The following PMS1 variants were observed in gnomAD, a reference collection of about 807,000 sequenced individuals.
The protein encoded by PMS1 is PMS1 protein homolog 1.
Under a neutral mutation model 93.1 loss-of-function variants are expected in PMS1, and 79 were observed. The observed-to-expected ratio is 0.85, with a 90% CI of 0.71 to 1.02. The LOEUF (loss-of-function observed/expected upper bound fraction) is 1.02. Among genes scored for constraint, PMS1 ranks in the 50% least tolerant of loss-of-function variants. The probability of loss-of-function intolerance (pLI) is 0.00; values close to 1 mark genes in which losing one functional copy is unlikely to be tolerated. For synonymous variants in PMS1, 335 were observed against 363.4 expected (o/e 0.92, Z 0.89); for missense variants, 1,064 against 1,085.3 (o/e 0.98, Z 0.28).
intron 10 of PMS1, among the ~76,000 whole-genome samples, chr2:189,864,753 G>T (rs1247378014): frequency 1.0e-5 from 1 of 99,636 alleles, no homozygotes; most frequent in Admixed American, 1.4e-4. Context: ...AATCTTTAAT[G>T]GAATTGTTTA....
In PMS1 at chr2:189,805,813, TA is replaced by T. The variant is rs3214425; in HGVS notation, c.418+70del. 5.8e-3 allele frequency: 7,115 copies of T among 1,231,756 alleles called. No homozygotes were observed. The highest frequency in any genetic ancestry group is 0.017 in the South Asian group (1,009 of 59,382). The allele number at this position is 1,231,756 out of a possible 1,614,324, so 76.3% of individuals were successfully genotyped here. A position where few individuals can be genotyped will look rare whatever the true frequency, so the allele number is the denominator to read the frequency against. Reference sequence around the variant, plus strand: ...ACCTTTTCTGTCTTAATTGTTGGTTTAAAAAAAAAAAGTTACTCGGTGAATA... The same window carrying T: ...ACCTTTTCTGTCTTAATTGTTGGTTTAAAAAAAAAAGTTACTCGGTGAATA... On this transcript the variant is annotated intron_variant, in intron 4 of 12. Coordinates refer to ENST00000441310, the MANE Select transcript of PMS1 (RefSeq NM_000534.5).
chr2:189,862,452 C>T (rs1280692791), intron 9 of PMS1, among the ~76,000 whole-genome samples: 4 of 152,130 alleles, frequency 2.6e-5, no homozygotes, highest in Non-Finnish European at 5.9e-5. Flanking sequence ...ATCTTGACAT[C>T]TGGGTCATCT....
chr2:189,829,651 G>GAA (rs1339378463), intron 5 of PMS1, among the ~76,000 whole-genome samples: 1 of 152,184 alleles, frequency 6.6e-6, no homozygotes, highest in Non-Finnish European at 1.5e-5. Context: ...CACCCATGCT[G>GAA]AATAGTGCCT....
At chr2:189,844,659 A>C (rs912608686) in intron 6 of PMS1, among the ~76,000 whole-genome samples, 15 of 151,238 alleles carry the variant, frequency 9.9e-5, no homozygotes, top group South Asian at 4.2e-4. Flanking sequence ...AAAAAAAAAA[A>C]AAAACTGTTT....
At position 189,875,955 on chromosome 2, in the gene PMS1, C is replaced by CAAAAA. The variant is rs561168809; in HGVS notation, c.2635-1296_2635-1292dup. Among the ~76,000 whole-genome samples, 185 of 46,146 alleles carry CAAAAA rather than the reference C, an allele frequency of 4.0e-3. 9 individuals carry two copies. The highest frequency in any genetic ancestry group is 0.013 in the Middle Eastern group (1 of 76). 30.3% of individuals were successfully genotyped at this position (46,146 alleles called of 152,430 possible). A position where few individuals can be genotyped will look rare whatever the true frequency, so the allele number is the denominator to read the frequency against. ...TGGGCGATAGAGCTAGACTCTGTCT[C>CAAAAA]AAAAAAAAAAAAAAAAAAAAAAAAA... is the stretch of plus-strand genomic sequence containing the variant. On this transcript the variant is annotated intron_variant, in intron 12 of 12. Transcript: ENST00000441310.
intron 5 of PMS1, among the ~76,000 whole-genome samples, chr2:189,830,898 T>C (rs2052875070): frequency 6.6e-6 from 1 of 152,168 alleles, no homozygotes. Context: ...CACTTCCCAC[T>C]TCTATTGGTT....
chr2:189,871,726 ACTC>A (rs1321550271), intron 11 of PMS1, among the ~76,000 whole-genome samples: 5 of 151,856 alleles, frequency 3.3e-5, no homozygotes, highest in Non-Finnish European at 5.9e-5. Flanking sequence ...GCAGTGCCCC[ACTC>A]CTCAGTACTA....
intron 1 of PMS1, among the ~76,000 whole-genome samples, chr2:189,787,217 G>A (rs1457142887): frequency 6.6e-6 from 1 of 152,172 alleles, no homozygotes; most frequent in Non-Finnish European, 1.5e-5. Context: ...GGAGGATGGT[G>A]TGGAAGCCAA....
At chr2:189,840,402 G>A (rs2053728908) in intron 5 of PMS1, among the ~76,000 whole-genome samples, 1 of 152,184 alleles carries the variant, frequency 6.6e-6, no homozygotes, top group Non-Finnish European at 1.5e-5. Flanking sequence ...TACAAGAGTA[G>A]GTTACAGCCT....
rs578029424 is a variant in PMS1 at position 189,818,741 on chromosome 2, T to G, written c.582+561T>G. ...ATTTCTTAATCTCTGAAATCAGGGA[T>G]TCCCCCAGCAGACGTTTTTCATCTA... On this transcript the variant is annotated intron_variant, in intron 5 of 12. Transcript: ENST00000441310. Among the ~76,000 whole-genome samples the G allele has an allele frequency of 3.9e-5, 6 of 152,336 alleles. No individual in the cohort carries two copies. The South Asian group carries it at 1.2e-3, about 32-fold the overall frequency.
chr2:189,790,014 A>G (rs1159059643), intron 1 of PMS1, among the ~76,000 whole-genome samples: 1 of 152,132 alleles, frequency 6.6e-6, no homozygotes, highest in African/African-American at 2.4e-5. Context: ...ACCAACAGAG[A>G]TTTTGGATCT....
At chr2:189,866,566 G>GT (rs1277115599) in intron 10 of PMS1, among the ~76,000 whole-genome samples, 2 of 152,118 alleles carry the variant, frequency 1.3e-5, no homozygotes, top group African/African-American at 4.8e-5. Context: ...TTCTAATGCT[G>GT]TTTGTGTAAC....
chr2:189,841,653 G>A (rs1463202849), intron 5 of PMS1, among the ~76,000 whole-genome samples: 7 of 151,736 alleles, frequency 4.6e-5, no homozygotes, highest in Admixed American at 3.3e-4. Context: ...TATGGTTAAG[G>A]AGTTCCTTTG....
In PMS1 at chr2:189,864,067, C is replaced by T. The variant is rs2056318616; in HGVS notation, c.2181C>T (p.Ile727=). 6.2e-7 allele frequency: 1 copy of T among 1,613,334 alleles called. No homozygotes were observed. The highest frequency in any genetic ancestry group is 8.5e-7 in the Non-Finnish European group (1 of 1,179,486). The change falls in exon 10 of 13, where the codon ATC becomes ATT. Residue 727 remains isoleucine, a synonymous_variant. Coordinates refer to ENST00000441310, the MANE Select transcript of PMS1 (RefSeq NM_000534.5). ...DLEEKDEPCL[I]HNLRFPDAWL... Reference sequence around the variant, plus strand: ...AAGAGAAGGATGAACCTTGCTTGATCCACAATCTCAGGTTTCCTGATGCAT... The same window carrying T: ...AAGAGAAGGATGAACCTTGCTTGATTCACAATCTCAGGTTTCCTGATGCAT...
intron 6 of PMS1, among the ~76,000 whole-genome samples, chr2:189,852,206 G>T (rs2054811859): frequency 6.6e-6 from 1 of 151,916 alleles, no homozygotes; most frequent in African/African-American, 2.4e-5. Flanking sequence ...AGTAAGATTG[G>T]CTTTATATAG....
At chr2:189,864,476 T>G in intron 10 of PMS1, 1 of 392,486 alleles carries the variant, frequency 2.5e-6, no homozygotes, top group Non-Finnish European at 4.8e-6. Context: ...GCCAACATAG[T>G]GAAACCCTGT....
At chr2:189,787,515 T>G (rs1455986081) in intron 1 of PMS1, among the ~76,000 whole-genome samples, 3 of 152,226 alleles carry the variant, frequency 2.0e-5, no homozygotes, top group Non-Finnish European at 4.4e-5. Flanking sequence ...TACAGTTATC[T>G]TACATTGATT....
intron 1 of PMS1, among the ~76,000 whole-genome samples, chr2:189,788,569 A>G (rs1350932156): frequency 2.0e-5 from 3 of 152,174 alleles, no homozygotes; most frequent in African/African-American, 7.2e-5. Flanking sequence ...CCACTGCTCT[A>G]TCCAGCACTG....
At chr2:189,852,100 A>G (rs997407096) in intron 6 of PMS1, among the ~76,000 whole-genome samples, 1 of 152,342 alleles carries the variant, frequency 6.6e-6, no homozygotes, top group African/African-American at 2.4e-5. Context: ...CTGAACAAAA[A>G]TGAAGCTAAA....
Sources: gnomAD v4.1 joint callset for allele counts (sites outside exome capture counted in the v4.1 genomes callset) on GRCh38, gnomAD v4.1.1 for gene constraint, MANE v1.5 for transcripts, NCBI Gene and HGNC (gene_info 2026-07-23, HGNC 2026-07-21) for gene names.